TG: variants seen among roughly 807,000 people sequenced by gnomAD.
TG encodes the protein thyroglobulin.
A neutral mutation model predicts 324.7 loss-of-function variants in TG; 270 were observed. The observed-to-expected ratio is 0.83, with a 90% confidence interval of 0.75 to 0.92. TG has a LOEUF of 0.92. Among genes scored for constraint, TG ranks in the 40% least tolerant of loss-of-function variants. The pLI is 0.00. For missense variants in TG, 3,591 were observed against 3,456.4 expected (o/e 1.04, Z -0.98); for synonymous variants, 1,401 against 1,327.0 (o/e 1.06, Z -1.21).
chr8:132,988,011 G>A (rs1018798658), intron 35 of TG, among the ~76,000 whole-genome samples: 2 of 151,156 alleles, frequency 1.3e-5, no homozygotes, highest in African/African-American at 4.9e-5. Flanking sequence ...AGTCGGGGGA[G>A]CAGAATTCTT....
chr8:132,887,514 T>A lies in TG; in HGVS notation c.2142T>A (p.Pro714=). ...TTGATGCTGAGGGTCAGGCCATTCC[T>A]GGAACTCGAAGTGCAATAGGGAAGC... The part of the protein sequence containing the change: ...YCVDAEGQAI[P]GTRSAIGKPK... The change falls in exon 9 of 48, where the codon CCT becomes CCA. Residue 714 remains proline (P), a synonymous_variant. Transcript: ENST00000220616. 6.2e-7 allele frequency: 1 copy of A among 1,614,202 alleles called. No individual in the cohort carries two copies. Among genetic ancestry groups the A allele is most frequent in the Non-Finnish European group, 8.5e-7 (1 of 1,180,044 alleles).
rs1010294246 is a variant in TG at position 132,894,794 on chromosome 8, G to C, written c.3001+865G>C. On this transcript the variant is annotated intron_variant, in intron 11 of 47. Coordinates refer to ENST00000220616, the MANE Select transcript of TG (RefSeq NM_003235.5). ...AATATTCTAACTTCACCTTTGAGCA[G>C]GCACTTACTGTGCTAAGTAGATTAT... 5.9e-5 allele frequency among the ~76,000 whole-genome samples: 9 copies of C among 152,228 alleles called. No individual in the cohort carries two copies. The South Asian group carries it at 6.2e-4, about 11-fold the overall frequency.
At chr8:132,894,264 C>T (rs1341026048) in intron 11 of TG, among the ~76,000 whole-genome samples, 2 of 152,098 alleles carry the variant, frequency 1.3e-5, no homozygotes, top group Non-Finnish European at 2.9e-5. Flanking sequence ...CCAAAGCTTC[C>T]CTCCATTTCC....
chr8:132,931,458 G>T (rs1416677661), intron 23 of TG, among the ~76,000 whole-genome samples: 1 of 152,206 alleles, frequency 6.6e-6, no homozygotes, highest in African/African-American at 2.4e-5. Flanking sequence ...TCAATGAAGG[G>T]TTGGATATCA....
chr8:133,031,723 C>T (rs76194603), intron 41 of TG, among the ~76,000 whole-genome samples: 6 of 152,240 alleles, frequency 3.9e-5, no homozygotes, highest in South Asian at 2.1e-4. Context: ...AACAGAAAGC[C>T]GTGTCACCTG....
At position 132,948,746 on chromosome 8, in the gene TG, C is replaced by T. The variant is rs2246624; in HGVS notation, c.5234-30C>T. ...TCTCTAAAGGTCCCCCTCCATCACA[C>T]TGACCTCTCCTACCTCTTGTGATTC... On this transcript the variant is annotated intron_variant, in intron 26 of 47. Coordinates refer to ENST00000220616, the MANE Select transcript of TG (RefSeq NM_003235.5). 0.79 allele frequency: 1,272,718 copies of T among 1,611,312 alleles called. 503,523 individuals are homozygous for T. The highest frequency in any genetic ancestry group is 0.88 in the Admixed American group (52,645 of 60,022).
At chr8:132,952,529 G>A (rs1028074306) in intron 27 of TG, among the ~76,000 whole-genome samples, 3 of 152,234 alleles carry the variant, frequency 2.0e-5, no homozygotes, top group Middle Eastern at 3.4e-3. Context: ...ATGGGACTTC[G>A]GGTGCAGACA....
intron 47 of TG, among the ~76,000 whole-genome samples, chr8:133,134,265 G>T (rs1852183252): frequency 6.6e-6 from 1 of 152,142 alleles, no homozygotes; most frequent in Non-Finnish European, 1.5e-5. Context: ...GGAGCCCAGA[G>T]GAAGGAGGAC....
At chr8:132,952,997 C>T (rs948782173) in intron 27 of TG, among the ~76,000 whole-genome samples, 1 of 152,200 alleles carries the variant, frequency 6.6e-6, no homozygotes, top group African/African-American at 2.4e-5. Flanking sequence ...TTGGAGTTCT[C>T]CTTGTTATTG....
At chr8:133,054,879 G>A (rs917476810) in intron 41 of TG, among the ~76,000 whole-genome samples, 19 of 152,174 alleles carry the variant, frequency 1.2e-4, no homozygotes, top group Non-Finnish European at 2.5e-4. Flanking sequence ...TCATTCTTTG[G>A]TGCTGCATGA....
chr8:133,126,410 AT>A (rs775574372), intron 45 of TG, among the ~76,000 whole-genome samples: 1 of 152,146 alleles, frequency 6.6e-6, no homozygotes, highest in Non-Finnish European at 1.5e-5. Context: ...TGCAAAGTTC[AT>A]TTTTTTCTGG....
chr8:132,972,733 A>G lies in TG; in HGVS notation c.6191A>G (p.Gln2064Arg), dbSNP rs143645885. ...EVHTYPFGWY[Q>R]KPIAQNNAPS... The stretch of plus-strand genomic sequence containing the variant: ...CACACCTATCCCTTCGGATGGTACC[A>G]GAAGCCCAGTAAGTACCCTTCTCAT... Residue 2064 changes from glutamine (Q) to arginine (R), a missense_variant, in exon 34 of 48, where the codon CAG (glutamine) becomes CGG (arginine). Transcript: ENST00000220616. 3.3e-5 allele frequency: 54 copies of G among 1,613,998 alleles called. No homozygotes were observed. In the African/African-American group the frequency reaches 5.5e-4, roughly 16 times the overall value.
intron 35 of TG, among the ~76,000 whole-genome samples, chr8:133,006,545 T>C (rs1040582851): frequency 6.6e-6 from 1 of 152,160 alleles, no homozygotes; most frequent in African/African-American, 2.4e-5. Context: ...AGTCCTGGAG[T>C]ATCAGAGGAG....
intron 35 of TG, among the ~76,000 whole-genome samples, chr8:133,006,626 G>A (rs967349853): frequency 1.4e-4 from 21 of 152,328 alleles, no homozygotes; most frequent in East Asian, 5.8e-4. Context: ...AGTTAATACC[G>A]CAGGTTTCCA....
intron 45 of TG, among the ~76,000 whole-genome samples, chr8:133,125,683 C>G (rs529578042): frequency 6.6e-6 from 1 of 152,246 alleles, no homozygotes; most frequent in African/African-American, 2.4e-5. Flanking sequence ...GGGGGATGGG[C>G]CAGCTGTGGA....
chr8:132,879,692 G>C (rs1405153265), intron 5 of TG, among the ~76,000 whole-genome samples: 1 of 152,212 alleles, frequency 6.6e-6, no homozygotes, highest in Non-Finnish European at 1.5e-5. Flanking sequence ...CTTACTGGGA[G>C]GGTGGGAGGA....
intron 4 of TG, 71 bp from the exon 5 acceptor site, chr8:132,872,991 C>A: frequency 6.5e-7 from 1 of 1,529,456 alleles, no homozygotes; most frequent in Non-Finnish European, 9.0e-7. Flanking sequence ...GACACGAGTG[C>A]ATATGCTGCT....
Position 132,923,495 on chromosome 8 carries a change from C to T in TG, c.4686C>T (p.Asp1562=). 6.2e-7 allele frequency: 1 copy of T among 1,613,922 alleles called. No individual in the cohort carries two copies. Among genetic ancestry groups the T allele is most frequent in the Non-Finnish European group, 8.5e-7 (1 of 1,179,906 alleles). The part of the protein sequence containing the change: ...PWWETEAPLE[D]SQCLMMQKFE... ...GGGAAACAGAGGCCCCTCTTGAGGA[C>T]TCACAGTGTTTGAGTAGGTGCTGGG... is the stretch of plus-strand genomic sequence containing the variant. Residue 1562 remains aspartate (D), a synonymous_variant, in exon 22 of 48, where the codon GAC becomes GAT. Coordinates refer to ENST00000220616, the MANE Select transcript of TG (RefSeq NM_003235.5).
At chr8:132,992,456 G>A (rs1832458297) in intron 35 of TG, among the ~76,000 whole-genome samples, 1 of 152,196 alleles carries the variant, frequency 6.6e-6, no homozygotes, top group Non-Finnish European at 1.5e-5. Flanking sequence ...CTTTGCCTTT[G>A]AAAGTAATGG....
Sources: gnomAD v4.1 joint callset for allele counts (sites outside exome capture counted in the v4.1 genomes callset) on GRCh38, gnomAD v4.1.1 for gene constraint, MANE v1.5 for transcripts, NCBI Gene and HGNC (gene_info 2026-07-23, HGNC 2026-07-21) for gene names.